NKIRAS1: variants seen among roughly 807,000 people sequenced by gnomAD.
The protein encoded by NKIRAS1 is NF-kappa-B inhibitor-interacting Ras-like protein 1.
Under a neutral mutation model 19.8 loss-of-function variants are expected in NKIRAS1, and 16 were observed. The observed-to-expected ratio is 0.81, with a 90% CI of 0.55 to 1.23. NKIRAS1 has a LOEUF of 1.23. NKIRAS1 is among the 50% of genes most tolerant of loss of function. The pLI, the probability that NKIRAS1 is intolerant of heterozygous loss-of-function variation, is 0.00. For missense variants in NKIRAS1, 184 were observed against 220.0 expected, an observed-to-expected ratio of 0.84 and a Z score of 1.04; for synonymous variants, 88 against 79.0, an observed-to-expected ratio of 1.11 and a Z score of -0.61.
In NKIRAS1 at chr3:23,900,724, C is replaced by G. The variant is rs1053754001; in HGVS notation, c.336+84G>C. The G allele has an allele frequency of 1.9e-5, 20 of 1,043,142 alleles. No individual in the cohort carries two copies. In the African/African-American group the frequency reaches 2.6e-4, roughly 13 times the overall value. The allele number at this position is 1,043,142 out of a possible 1,614,324, so 64.6% of individuals were successfully genotyped here. A position where few individuals can be genotyped will look rare whatever the true frequency, so the allele number is the denominator to read the frequency against. On this transcript the variant is annotated intron_variant, in intron 4 of 4. Transcript: ENST00000425478. ...GATACTAAGAATATACTGTAATGAT[C>G]TGAAAATAAACTACCCAAAAGTCTG...
In NKIRAS1 at chr3:23,890,452, TA is replaced by T. The variant is rs2125336145; in HGVS notation, c.*2642del. The T allele has an allele frequency of 1.3e-6, 2 of 1,562,930 alleles. No homozygotes were observed. The highest frequency in any genetic ancestry group is 2.7e-5 in the African/African-American group (2 of 73,270). The stretch of plus-strand genomic sequence containing the variant: ...ATCTACCCAAGCTGTCACTATTCGC[TA>T]AAGTTTAAAATGTTCTTTTCCTTTC... On this transcript the variant is annotated 3_prime_UTR_variant, in exon 5 of 5. Coordinates refer to ENST00000425478, the MANE Select transcript of NKIRAS1 (RefSeq NM_020345.4).
At chr3:23,944,582 A>G (rs1282628018) in intron 1 of NKIRAS1, among the ~76,000 whole-genome samples, 1 of 152,196 alleles carries the variant, frequency 6.6e-6, no homozygotes, top group African/African-American at 2.4e-5. Context: ...ACTGCACATT[A>G]GCTGAGTTCG....
At chr3:23,934,150 T>C (rs1705357831) in intron 1 of NKIRAS1, among the ~76,000 whole-genome samples, 1 of 152,180 alleles carries the variant, frequency 6.6e-6, no homozygotes, top group Non-Finnish European at 1.5e-5. Context: ...TTTATATTAG[T>C]TCAAAAGAAA....
chr3:23,918,352 T>A, upstream of NKIRAS1: 2 of 1,432,830 alleles, frequency 1.4e-6, no homozygotes, highest in Non-Finnish European at 1.9e-6. Flanking sequence ...GTTGAAGTAT[T>A]TTTGGTGGAG....
chr3:23,946,308 C>T (rs1030198909), intron 1 of NKIRAS1: 1 of 984,748 alleles, frequency 1.0e-6, no homozygotes, highest in African/African-American at 1.7e-5. Context: ...CCTGGGGAGG[C>T]TGGTAGCTGC....
At chr3:23,893,580 G>A (rs892793795) in intron 4 of NKIRAS1, among the ~76,000 whole-genome samples, 19 of 152,052 alleles carry the variant, frequency 1.2e-4, no homozygotes, top group African/African-American at 4.3e-4. Flanking sequence ...GCCGAGGCTC[G>A]TGGATCTCTT....
intron 4 of NKIRAS1, among the ~76,000 whole-genome samples, chr3:23,898,066 G>A (rs539215951): frequency 3.3e-5 from 5 of 152,088 alleles, no homozygotes; most frequent in Non-Finnish European, 7.4e-5. Flanking sequence ...TAGTACGTGA[G>A]TGTTCATTGA....
At position 23,922,749 on chromosome 3, in the gene NKIRAS1, A is replaced by G. The variant is rs1480640763; in HGVS notation, c.-139-11299T>C. 1 of 152,212 alleles carries G rather than the reference A, an allele frequency of 6.6e-6. No homozygotes were observed. Among genetic ancestry groups the G allele is most frequent in the Non-Finnish European group, 1.5e-5 (1 of 68,044 alleles). The allele number at this position is 152,212 out of a possible 1,614,324, so 9.4% of individuals were successfully genotyped here. On this transcript the variant is annotated intron_variant, in intron 1 of 4. Coordinates refer to the NKIRAS1 transcript ENST00000421515. This position sits in a 1 kb window ranked among gnomAD's most constrained non-coding sequence, Gnocchi z 4.2. ...AATTCAAAAGATAAGTATAGGCTCTACAGTACAAACCCTTCTGCCTCCTAG... is the reference window on the plus strand; with the variant it reads ...AATTCAAAAGATAAGTATAGGCTCTGCAGTACAAACCCTTCTGCCTCCTAG...
At chr3:23,900,709 A>G (rs1321631101) in intron 4 of NKIRAS1, 99 bp downstream of exon 4, 2 of 868,056 alleles carry the variant, frequency 2.3e-6, no homozygotes, top group African/African-American at 3.4e-5. Context: ...GATACTAAGA[A>G]TATACTGTAA....
At chr3:23,921,877 A>G (rs1363821381), upstream of NKIRAS1, 2 of 458,564 alleles carry the variant, frequency 4.4e-6, no homozygotes, top group Non-Finnish European at 7.7e-6. Context: ...CCCCAGCCCA[A>G]TTTTTATTTT....
chr3:23,943,167 C>G (rs1387668670), intron 1 of NKIRAS1, among the ~76,000 whole-genome samples: 1 of 152,232 alleles, frequency 6.6e-6, no homozygotes, highest in Non-Finnish European at 1.5e-5. Flanking sequence ...CCTCTGTGCT[C>G]TATTCATCCC....
intron 1 of NKIRAS1, among the ~76,000 whole-genome samples, chr3:23,940,606 T>C (rs1286091169): frequency 1.3e-5 from 2 of 152,206 alleles, no homozygotes; most frequent in East Asian, 3.8e-4. Flanking sequence ...ATGTGTTTAT[T>C]TGAATATTTT....
intron 2 of NKIRAS1, 32 bp from the exon 3 acceptor site, chr3:23,910,953 T>C (rs746625383): frequency 2.1e-6 from 3 of 1,457,868 alleles, no homozygotes; most frequent in South Asian, 2.3e-5. Context: ...TTTTAAATTG[T>C]ATACTGTTGA....
chr3:23,892,900 A>C lies in NKIRAS1; in HGVS notation c.*195T>G. On this transcript the variant is annotated 3_prime_UTR_variant, in exon 5 of 5. Coordinates refer to ENST00000425478, the MANE Select transcript of NKIRAS1 (RefSeq NM_020345.4). ...CAAACAATGAGAATAAGAATATATT[A>C]TTTCATATCAGGCAATAATAACCTT... 1 of 405,810 alleles carries C rather than the reference A, an allele frequency of 2.5e-6. No individual in the cohort carries two copies. Among genetic ancestry groups the C allele is most frequent in the South Asian group, 8.4e-5 (1 of 11,844 alleles). The allele number at this position is 405,810 out of a possible 1,614,324, so 25.1% of individuals were successfully genotyped here.
At chr3:23,914,381 C>A (rs1704085112) in intron 1 of NKIRAS1, among the ~76,000 whole-genome samples, 1 of 152,166 alleles carries the variant, frequency 6.6e-6, no homozygotes, top group Non-Finnish European at 1.5e-5. Flanking sequence ...CTGTTAACAT[C>A]ATAGGAGAGA....
chr3:23,932,438 C>T (rs1426070064), intron 1 of NKIRAS1, among the ~76,000 whole-genome samples: 1 of 151,988 alleles, frequency 6.6e-6, no homozygotes, highest in Non-Finnish European at 1.5e-5. Flanking sequence ...CCTGTAATTC[C>T]AGCACTTTTG....
chr3:23,921,570 GTTTT>G (rs71622703), upstream of NKIRAS1: 611 of 507,264 alleles, frequency 1.2e-3, no homozygotes, highest in Middle Eastern at 3.4e-3. Context: ...TGATTATTGA[GTTTT>G]TTTTTTTTTT....
chr3:23,931,861 C>A (rs900003191), intron 1 of NKIRAS1, among the ~76,000 whole-genome samples: 1 of 152,192 alleles, frequency 6.6e-6, no homozygotes, highest in Non-Finnish European at 1.5e-5. Context: ...CAGCTCCTTG[C>A]CCCAAAGGCT....
At chr3:23,931,496 G>A (rs907728946) in intron 1 of NKIRAS1, among the ~76,000 whole-genome samples, 2 of 151,980 alleles carry the variant, frequency 1.3e-5, no homozygotes, top group Non-Finnish European at 2.9e-5. Flanking sequence ...AACATTCCTC[G>A]TCCTTGCCCC....
Sources: gnomAD v4.1 joint callset for allele counts (sites outside exome capture counted in the v4.1 genomes callset) on GRCh38, gnomAD v4.1.1 for gene constraint, Gnocchi (gnomAD v3.1) non-coding constraint, MANE v1.5 for transcripts, NCBI Gene and HGNC (gene_info 2026-07-23, HGNC 2026-07-21) for gene names.